The following SNAP91 variants were observed in gnomAD, a reference collection of about 807,000 sequenced individuals.
SNAP91 encodes the protein synaptosome associated protein 91.
In SNAP91, 27 loss-of-function variants were observed where a neutral mutation model predicts 100.3. The observed-to-expected ratio is 0.27, with a 90% CI of 0.20 to 0.37. The LOEUF is 0.37. Ranked by LOEUF, SNAP91 falls within the 10% of genes least tolerant of loss-of-function variation. The pLI, the probability that SNAP91 is intolerant of heterozygous loss-of-function variation, is 1.00. For synonymous variants in SNAP91, 404 were observed against 398.6 expected, an observed-to-expected ratio of 1.01 and a Z score of -0.16; for missense variants, 986 against 1,123.7, an observed-to-expected ratio of 0.88 and a Z score of 1.75.
chr6:83,597,865 T>C (rs2094654616), intron 16 of SNAP91, among the ~76,000 whole-genome samples: 1 of 152,214 alleles, frequency 6.6e-6, no homozygotes, highest in Non-Finnish European at 1.5e-5. Context: ...TGAAATCTAG[T>C]TGAAAGTGTT....
chr6:83,641,810 T>C (rs2097713928), intron 7 of SNAP91, among the ~76,000 whole-genome samples: 2 of 152,234 alleles, frequency 1.3e-5, no homozygotes, highest in Non-Finnish European at 2.9e-5. Context: ...AGTCTATTTA[T>C]GCTCTCTTTC....
intron 2 of SNAP91, among the ~76,000 whole-genome samples, chr6:83,707,536 CGTGTGTGTGT>C (rs70987765): frequency 2.0e-5 from 3 of 148,958 alleles, no homozygotes; most frequent in South Asian, 2.1e-4. Flanking sequence ...TATACATATG[CGTGTGTGTGT>C]GTGTGTGTGT....
Position 83,616,951 on chromosome 6 carries a change from TA to T in SNAP91, c.878+17del. The T allele has an allele frequency of 6.8e-7, 1 of 1,464,874 alleles. No individual in the cohort carries two copies. The highest frequency in any genetic ancestry group is 9.3e-7 in the Non-Finnish European group (1 of 1,073,460). 90.7% of individuals were successfully genotyped at this position (1,464,874 alleles called of 1,614,324 possible). On this transcript the variant is annotated intron_variant, in intron 10 of 29. Transcript: ENST00000369694. ...GTAGTATTTTTCATCTTATTTAGAATATACAACTAATGCGTACTTGTTTCCA... is the reference window on the plus strand; with the variant it reads ...GTAGTATTTTTCATCTTATTTAGAATTACAACTAATGCGTACTTGTTTCCA...
chr6:83,679,337 G>GA (rs146421402), intron 2 of SNAP91, among the ~76,000 whole-genome samples: 1 of 151,838 alleles, frequency 6.6e-6, no homozygotes. Flanking sequence ...ATTCCTAGGG[G>GA]AAAAAAAGAA....
intron 13 of SNAP91, among the ~76,000 whole-genome samples, chr6:83,606,321 C>T (rs535594824): frequency 1.3e-5 from 2 of 152,266 alleles, no homozygotes; most frequent in African/African-American, 2.4e-5. Context: ...CTTTTTCCTA[C>T]GTTAGACTAT....
chr6:83,588,619 C>T (rs1392745585), intron 22 of SNAP91, among the ~76,000 whole-genome samples: 2 of 152,200 alleles, frequency 1.3e-5, no homozygotes, highest in Admixed American at 1.3e-4. Flanking sequence ...TGACAAACCC[C>T]TTCAGGCTTG....
At chr6:83,630,586 A>G (rs530463723) in intron 8 of SNAP91, among the ~76,000 whole-genome samples, 3 of 151,984 alleles carry the variant, frequency 2.0e-5, no homozygotes, top group Non-Finnish European at 4.4e-5. Context: ...GTATCTTTCC[A>G]GAAATTAATC....
intron 27 of SNAP91, 90 bp from the exon 28 acceptor site, chr6:83,560,298 C>G: frequency 1.1e-6 from 1 of 891,422 alleles, no homozygotes; most frequent in Non-Finnish European, 1.8e-6. Flanking sequence ...GTACTTCTGA[C>G]AATATTTGAG....
upstream of SNAP91, chr6:83,709,292 G>T (rs1488760738): frequency 2.6e-5 from 4 of 152,252 alleles, no homozygotes; most frequent in Non-Finnish European, 5.9e-5. Context: ...CAAGCCGGCG[G>T]GGAGAAGAAG....
intron 2 of SNAP91, among the ~76,000 whole-genome samples, chr6:83,700,176 T>C (rs1184789103): frequency 1.3e-5 from 2 of 152,142 alleles, no homozygotes; most frequent in Admixed American, 6.5e-5. Context: ...AAAAGAGATA[T>C]TGATCAACTT....
chr6:83,573,067 A>C (rs773781623), intron 26 of SNAP91, among the ~76,000 whole-genome samples: 1 of 152,178 alleles, frequency 6.6e-6, no homozygotes, highest in Admixed American at 6.5e-5. Flanking sequence ...GGGACTAAAG[A>C]CTTGTAGCAA....
chr6:83,670,846 CT>C (rs34005805), intron 2 of SNAP91, among the ~76,000 whole-genome samples: 26,467 of 151,758 alleles, frequency 0.17, 2,934 homozygotes, highest in South Asian at 0.28. Context: ...ACTCTTTATT[CT>C]GTTCTGTTGA....
At chr6:83,620,455 A>G (rs1201629984) in intron 9 of SNAP91, among the ~76,000 whole-genome samples, 1 of 152,194 alleles carries the variant, frequency 6.6e-6, no homozygotes. Context: ...TTTAAAGATG[A>G]AACAGCTCTC....
intron 26 of SNAP91, among the ~76,000 whole-genome samples, chr6:83,563,079 G>A (rs1209528339): frequency 1.3e-5 from 2 of 152,210 alleles, no homozygotes; most frequent in Non-Finnish European, 2.9e-5. Flanking sequence ...TTAGACAAGA[G>A]CCACAAGGGC....
chr6:83,558,178 T>C (rs375614979), intron 28 of SNAP91, among the ~76,000 whole-genome samples: 4 of 152,286 alleles, frequency 2.6e-5, no homozygotes, highest in South Asian at 2.1e-4. Flanking sequence ...GCTTTCAGTA[T>C]ATCAAACACA....
At chr6:83,595,562 ATAAACATGACAGGCT>A (rs1331553121) in intron 16 of SNAP91, among the ~76,000 whole-genome samples, 7 of 152,194 alleles carry the variant, frequency 4.6e-5, no homozygotes, top group Admixed American at 1.3e-4. Flanking sequence ...TCAAGCCATG[ATAAACATGACAGGCT>A]TAGGAGAAGA....
intron 2 of SNAP91, among the ~76,000 whole-genome samples, chr6:83,704,311 C>T (rs553094888): frequency 2.0e-4 from 31 of 152,076 alleles, no homozygotes; most frequent in African/African-American, 7.5e-4. Context: ...TTAATTTTCA[C>T]ATACAAAGGG....
chr6:83,650,545 G>A (rs1585626023), intron 7 of SNAP91, among the ~76,000 whole-genome samples: 1 of 152,168 alleles, frequency 6.6e-6, no homozygotes, highest in African/African-American at 2.4e-5. Flanking sequence ...AGCCTCCTGA[G>A]TAGCTGGGAT....
chr6:83,641,879 C>T (rs1406541928), intron 7 of SNAP91, among the ~76,000 whole-genome samples: 3 of 152,182 alleles, frequency 2.0e-5, no homozygotes, highest in African/African-American at 7.2e-5. Context: ...CTCTTTCACA[C>T]TCTCAAGACT....
Sources: allele counts gnomAD v4.1 joint callset (sites outside exome capture counted in the v4.1 genomes callset), GRCh38; gene constraint gnomAD v4.1.1; transcripts MANE v1.5; gene names NCBI Gene and HGNC (gene_info 2026-07-23, HGNC 2026-07-21).